JCAD: variants seen among roughly 807,000 people sequenced by gnomAD.
JCAD encodes junctional cadherin 5 associated, also known as junctional cadherin 5-associated protein.
JCAD carries 40 observed loss-of-function variants against 98.0 expected under a neutral mutation model. The ratio of observed to expected loss-of-function variants is 0.41; its 90% CI spans 0.32 to 0.53. The LOEUF (loss-of-function observed/expected upper bound fraction) is 0.53, where lower values mean the gene tolerates loss of function less well. JCAD is among the 20% of genes least tolerant of loss of function. The pLI, the probability that JCAD is intolerant of heterozygous loss-of-function variation, is 0.31. For synonymous variants in JCAD, 691 were observed against 682.3 expected (o/e 1.01, Z -0.20); for missense variants, 1,705 against 1,738.1 (o/e 0.98, Z 0.34).
At chr10:30,051,298 A>ACACACG (rs1312399801) in intron 1 of JCAD, among the ~76,000 whole-genome samples, 1 of 151,720 alleles carries the variant, frequency 6.6e-6, no homozygotes, top group Admixed American at 6.6e-5. Context: ...ACACACACAC[A>ACACACG]CACACACACA....
In JCAD at chr10:30,014,557, T is replaced by TG. The variant is rs34158612; in HGVS notation, c.*3325dup. ...AGCCAGAACACGCAAACGTGATCTC[T>TG]GGGGGTCACAAGATGAAATGGTAGG... On this transcript the variant is annotated 3_prime_UTR_variant, in exon 4 of 4. Transcript: ENST00000375377. The TG allele has an allele frequency of 1.3e-5, 2 of 152,230 alleles. No homozygotes were observed. Among genetic ancestry groups the TG allele is most frequent in the African/African-American group, 2.4e-5 (1 of 41,468 alleles). 9.4% of individuals were successfully genotyped at this position (152,230 alleles called of 1,614,324 possible).
At chr10:30,078,613 A>G (rs12267041) in intron 1 of JCAD, among the ~76,000 whole-genome samples, 2,349 of 152,304 alleles carry the variant, frequency 0.015, 56 homozygotes, top group African/African-American at 0.053. Context: ...CCATGAAATT[A>G]TACCTGTGAT....
intron 1 of JCAD, among the ~76,000 whole-genome samples, chr10:30,092,930 G>A (rs528160419): frequency 6.6e-6 from 1 of 152,190 alleles, no homozygotes; most frequent in East Asian, 1.9e-4. Flanking sequence ...ATATTCTGTG[G>A]CAGTAAAAGA....
chr10:30,083,691 G>GT (rs1838122471), intron 1 of JCAD, among the ~76,000 whole-genome samples: 6 of 152,148 alleles, frequency 3.9e-5, no homozygotes. Flanking sequence ...CAGCACTAGC[G>GT]TAAGTCAGGC....
chr10:30,015,121 A>T lies in JCAD; in HGVS notation c.*2762T>A, dbSNP rs1355571755. Reference sequence around the variant, plus strand: ...TACCATCATTTTCCCTTCTTTTGCAAATCAAGAAATACTAATCCATTGCAT... The same window carrying T: ...TACCATCATTTTCCCTTCTTTTGCATATCAAGAAATACTAATCCATTGCAT... On this transcript the variant is annotated 3_prime_UTR_variant, in exon 4 of 4. Transcript: ENST00000375377. 6.6e-6 allele frequency: 1 copy of T among 152,224 alleles called. No homozygotes were observed. The highest frequency in any genetic ancestry group is 1.5e-5 in the Non-Finnish European group (1 of 68,038). 9.4% of individuals were successfully genotyped at this position (152,224 alleles called of 1,614,324 possible).
intron 1 of JCAD, among the ~76,000 whole-genome samples, chr10:30,082,756 C>G (rs1171147162): frequency 6.9e-6 from 1 of 144,048 alleles, no homozygotes; most frequent in Non-Finnish European, 1.5e-5. Flanking sequence ...GAAGCTGAGG[C>G]AGGAGAATTG....
intron 1 of JCAD, among the ~76,000 whole-genome samples, chr10:30,090,824 A>C (rs1403396621): frequency 1.3e-5 from 2 of 152,090 alleles, no homozygotes; most frequent in Non-Finnish European, 2.9e-5. Flanking sequence ...TCTAATTCAC[A>C]TGCTATTGAT....
intron 1 of JCAD, 71 bp from the exon 2 acceptor site, chr10:30,047,942 G>A (rs1270273417): frequency 1.2e-5 from 11 of 936,204 alleles, no homozygotes; most frequent in South Asian, 1.7e-5. Flanking sequence ...TCCTCCTCCC[G>A]TGGTCCCCCC....
At chr10:30,073,080 T>C (rs1837922694) in intron 1 of JCAD, among the ~76,000 whole-genome samples, 1 of 152,194 alleles carries the variant, frequency 6.6e-6, no homozygotes, top group Non-Finnish European at 1.5e-5. Context: ...AAGTGATTGA[T>C]GGCCCCATTT....
intron 1 of JCAD, among the ~76,000 whole-genome samples, chr10:30,052,230 C>T (rs373763731): frequency 3.9e-5 from 6 of 152,124 alleles, no homozygotes; most frequent in African/African-American, 9.7e-5. Context: ...CCATGGTGCA[C>T]GGTATTTATC....
intron 1 of JCAD, among the ~76,000 whole-genome samples, chr10:30,094,064 A>C (rs1400609944): frequency 1.3e-5 from 2 of 152,144 alleles, no homozygotes; most frequent in Non-Finnish European, 2.9e-5. Flanking sequence ...AAAGAGTGTG[A>C]TTCTCTTTGG....
chr10:30,095,244 CT>C (rs1296160140), intron 1 of JCAD, among the ~76,000 whole-genome samples: 7 of 152,214 alleles, frequency 4.6e-5, no homozygotes, highest in Non-Finnish European at 1.0e-4. Context: ...GCTCTCGTCT[CT>C]TAACGTTATT....
At chr10:30,101,125 T>C (rs1056769012) in intron 1 of JCAD, among the ~76,000 whole-genome samples, 1 of 152,188 alleles carries the variant, frequency 6.6e-6, no homozygotes, top group African/African-American at 2.4e-5. Flanking sequence ...AAGAGTCTGT[T>C]CTGGTTGGGT....
In JCAD at chr10:30,085,398, G is replaced by T. The variant is rs1263731222; in HGVS notation, n.129-15577C>A. ...CTCAAAAATTCTGTAATAAATAAAA[G>T]ACATGGTTTCTGCTTCCAATAAATT... On this transcript the variant is annotated intron_variant and non_coding_transcript_variant, in intron 1 of 2. Coordinates refer to the JCAD transcript ENST00000465712. Among the ~76,000 whole-genome samples the T allele has an allele frequency of 3.3e-5, 5 of 152,224 alleles. No homozygotes were observed. In the South Asian group the frequency reaches 1.0e-3, roughly 32 times the overall value.
rs903459061 is a variant in JCAD at position 30,014,451 on chromosome 10, T to C, written c.*3432A>G. ...GGATAGAAAGACAATTCTGCTGCAC[T>C]GGTCACTTTGCAAGAGATGCTATCC... On this transcript the variant is annotated 3_prime_UTR_variant, in exon 4 of 4. Transcript: ENST00000375377. 3.9e-5 allele frequency: 6 copies of C among 152,204 alleles called. No individual in the cohort carries two copies. The highest frequency in any genetic ancestry group is 1.2e-4 in the African/African-American group (5 of 41,452). The allele number at this position is 152,204 out of a possible 1,614,324, so 9.4% of individuals were successfully genotyped here. A position where few individuals can be genotyped will look rare whatever the true frequency, so the allele number is the denominator to read the frequency against.
At chr10:30,092,098 T>TA (rs1554802539) in intron 1 of JCAD, among the ~76,000 whole-genome samples, 1 of 44,596 alleles carries the variant, frequency 2.2e-5, no homozygotes, top group Non-Finnish European at 3.5e-5. Context: ...TAAAGTTACT[T>TA]TATATATATA....
chr10:30,066,013 G>A (rs748930265), intron 2 of JCAD, among the ~76,000 whole-genome samples: 1 of 152,152 alleles, frequency 6.6e-6, no homozygotes, highest in African/African-American at 2.4e-5. Context: ...CTCACATACA[G>A]TAAAGTGTGA....
intron 1 of JCAD, among the ~76,000 whole-genome samples, chr10:30,083,202 AT>A (rs1838116357): frequency 6.6e-6 from 1 of 152,084 alleles, no homozygotes; most frequent in Admixed American, 6.5e-5. Flanking sequence ...ATAATCTCTA[AT>A]TTTATAGAAG....
chr10:30,075,330 A>G (rs1837964151), intron 1 of JCAD, among the ~76,000 whole-genome samples: 1 of 152,224 alleles, frequency 6.6e-6, no homozygotes, highest in Non-Finnish European at 1.5e-5. Flanking sequence ...ATATAAGCTT[A>G]CATATTGCTT....
Sources: allele counts gnomAD v4.1 joint callset (sites outside exome capture counted in the v4.1 genomes callset), GRCh38; gene constraint gnomAD v4.1.1; transcripts MANE v1.5; gene names NCBI Gene and HGNC (gene_info 2026-07-23, HGNC 2026-07-21).